LRIG3: variants seen among roughly 807,000 people sequenced by gnomAD.
The protein encoded by LRIG3 is leucine-rich repeats and immunoglobulin-like domains protein 3.
Under a neutral mutation model 114.5 loss-of-function variants are expected in LRIG3, and 76 were observed. The ratio of observed to expected loss-of-function variants is 0.66; its 90% CI spans 0.55 to 0.80. LRIG3 has a LOEUF of 0.80. LRIG3 is among the 30% of genes least tolerant of loss of function. The pLI, the probability that LRIG3 is intolerant of heterozygous loss-of-function variation, is 0.00. For missense variants in LRIG3, 1,239 were observed against 1,382.8 expected, an observed-to-expected ratio of 0.90 and a Z score of 1.65; for synonymous variants, 512 against 519.8, an observed-to-expected ratio of 0.98 and a Z score of 0.20.
At chr12:58,898,084 A>G (rs1871708225) in intron 3 of LRIG3, among the ~76,000 whole-genome samples, 1 of 152,252 alleles carries the variant, frequency 6.6e-6, no homozygotes, top group Non-Finnish European at 1.5e-5. Context: ...TTCAAAATGC[A>G]TATGAACATC....
intron 3 of LRIG3, among the ~76,000 whole-genome samples, chr12:58,898,303 A>G (rs961869729): frequency 1.3e-5 from 2 of 152,180 alleles, no homozygotes; most frequent in Non-Finnish European, 2.9e-5. Flanking sequence ...AACAGAGGGA[A>G]ATGAAATGAA....
At chr12:58,894,433 CA>C (rs1230280109) in intron 3 of LRIG3, among the ~76,000 whole-genome samples, 22 of 152,022 alleles carry the variant, frequency 1.4e-4, no homozygotes, top group African/African-American at 4.6e-4. Context: ...ACAAAACAAA[CA>C]AACAAAAAAC....
intron 1 of LRIG3, 187 bp from the exon 2 acceptor site, chr12:58,914,523 T>G: frequency 1.8e-6 from 1 of 557,376 alleles, no homozygotes; most frequent in Non-Finnish European, 3.2e-6. Context: ...CAAAATTAGT[T>G]TAGGGAGACT....
Position 58,890,697 on chromosome 12 carries a change from T to C in LRIG3, c.483A>G (p.Gln161=). The part of the protein sequence containing the change: ...DLSSNNISEL[Q]TAFPALQLKY... ...TGAGCTGTAGGGCTGGAAATGCAGT[T>C]TGGAGCTCTGAAATATTGTTGCTGC... Residue 161 remains glutamine (Q), a synonymous_variant, in exon 4 of 19, where the codon CAA becomes CAG. Coordinates refer to ENST00000320743, the MANE Select transcript of LRIG3 (RefSeq NM_153377.5). 1.2e-6 allele frequency: 2 copies of C among 1,607,926 alleles called. No individual in the cohort carries two copies. Among genetic ancestry groups the C allele is most frequent in the South Asian group, 1.1e-5 (1 of 89,300 alleles).
intron 7 of LRIG3, 57 bp from the exon 8 acceptor site, chr12:58,887,989 T>C (rs1005420757): frequency 2.6e-6 from 4 of 1,537,306 alleles, no homozygotes; most frequent in Middle Eastern, 2.0e-4. Context: ...ACACAATGAT[T>C]TGTTTTCCAA....
chr12:58,904,295 A>C (rs1841120127), intron 3 of LRIG3, among the ~76,000 whole-genome samples: 1 of 152,180 alleles, frequency 6.6e-6, no homozygotes, highest in South Asian at 2.1e-4. Context: ...CTAGGCCAGG[A>C]GAGAGACACA....
chr12:58,888,372 T>C lies in LRIG3; in HGVS notation c.904A>G (p.Ile302Val). 6.2e-7 allele frequency: 1 copy of C among 1,613,838 alleles called. No homozygotes were observed. Among genetic ancestry groups the C allele is most frequent in the Non-Finnish European group, 8.5e-7 (1 of 1,179,832 alleles). ...CAGAACTCCCAGGCATCAGGGCTGA[T>C]CCTGTTGATGGCATTTTGGCTGAGA... ...LHLSQNAINR[I>V]SPDAWEFCQK... is the part of the protein sequence containing the mutation. The change falls in exon 7 of 19, where the codon ATC becomes GTC. Residue 302 changes from isoleucine (I) to valine (V), a missense_variant. By Grantham distance (29) the Ile-to-Val change is conservative. Transcript: ENST00000320743.
intron 10 of LRIG3, among the ~76,000 whole-genome samples, chr12:58,884,422 A>G (rs914296140): frequency 3.9e-5 from 6 of 152,222 alleles, no homozygotes; most frequent in African/African-American, 1.4e-4. Flanking sequence ...AAGGGACCAG[A>G]CATGGCTAGA....
chr12:58,902,848 C>T (rs1222746615), intron 3 of LRIG3, among the ~76,000 whole-genome samples: 3 of 151,796 alleles, frequency 2.0e-5, no homozygotes, highest in Non-Finnish European at 4.4e-5. Context: ...TGATAGTTTA[C>T]TGAGAATGAT....
chr12:58,891,085 A>T (rs1871441764), intron 3 of LRIG3, among the ~76,000 whole-genome samples: 1 of 151,804 alleles, frequency 6.6e-6, no homozygotes, highest in Non-Finnish European at 1.5e-5. Context: ...ATTTTTCTTT[A>T]TCCTATTTTT....
chr12:58,914,267 T>C lies in LRIG3; in HGVS notation c.306A>G (p.Glu102=). Residue 102 remains glutamate (E), a splice_region_variant and synonymous_variant, in exon 2 of 19, where the codon GAA becomes GAG. Transcript: ENST00000320743. ...AAAACAAAATAACGAAGACTCACAC[T>C]TCTCGAAGGCTTTGAAGGTGGCTCA... is the stretch of plus-strand genomic sequence containing the variant. ...SSMSHLQSLR[E]VKLNNNELET... is the part of the protein sequence containing the mutation. 6.2e-7 allele frequency: 1 copy of C among 1,613,878 alleles called. No homozygotes were observed. Among genetic ancestry groups the C allele is most frequent in the Non-Finnish European group, 8.5e-7 (1 of 1,179,808 alleles).
At chr12:58,883,062 C>A in intron 11 of LRIG3, 30 bp from the exon 12 acceptor site, 1 of 1,571,156 alleles carries the variant, frequency 6.4e-7, no homozygotes, top group South Asian at 1.2e-5. Context: ...TCAATTTGTT[C>A]TGTATGAAAT....
chr12:58,892,367 C>A (rs1871484585), intron 3 of LRIG3, among the ~76,000 whole-genome samples: 1 of 152,216 alleles, frequency 6.6e-6, no homozygotes, highest in Non-Finnish European at 1.5e-5. Context: ...GGTGTTTGTA[C>A]ACGGTCTGCA....
chr12:58,914,243 A>G lies in LRIG3; in HGVS notation c.308+22T>C, dbSNP rs1188560484. The G allele has an allele frequency of 2.5e-6, 4 of 1,611,774 alleles. No individual in the cohort carries two copies. The South Asian group carries it at 4.4e-5, about 18-fold the overall frequency. On this transcript the variant is annotated intron_variant, in intron 2 of 18. Coordinates refer to ENST00000320743, the MANE Select transcript of LRIG3 (RefSeq NM_153377.5). ...GTAACGTATTTTACTCAAACCTTAA[A>G]AACAAAATAACGAAGACTCACACTT...
At chr12:58,891,068 T>A (rs13377741) in intron 3 of LRIG3, among the ~76,000 whole-genome samples, 24 of 152,046 alleles carry the variant, frequency 1.6e-4, no homozygotes, top group African/African-American at 5.6e-4. Context: ...TTAAAGACAG[T>A]GGTTTGATTT....
At chr12:58,901,046 A>C (rs1022452252) in intron 3 of LRIG3, among the ~76,000 whole-genome samples, 2 of 152,226 alleles carry the variant, frequency 1.3e-5, no homozygotes, top group African/African-American at 4.8e-5. Flanking sequence ...TGTAATTCAC[A>C]TATTTGATGA....
At chr12:58,881,082 T>A (rs1871113860) in intron 12 of LRIG3, among the ~76,000 whole-genome samples, 181 bp from the exon 13 acceptor site, 1 of 152,224 alleles carries the variant, frequency 6.6e-6, no homozygotes, top group African/African-American at 2.4e-5. Flanking sequence ...ATTTATAAAG[T>A]AACTCATTCA....
chr12:58,879,248 G>A lies in LRIG3; in HGVS notation c.1802-143C>T, dbSNP rs1188503155. 30 of 984,858 alleles carry A rather than the reference G, an allele frequency of 3.0e-5. No individual in the cohort carries two copies. In the South Asian group the frequency reaches 5.4e-4, roughly 18 times the overall value. 61.0% of individuals were successfully genotyped at this position (984,858 alleles called of 1,614,324 possible). The stretch of plus-strand genomic sequence containing the variant: ...GGGCAGGGGTTAATTCCAATTTCAA[G>A]TCAAGGAAACTAAAGTTGAGATGGA... On this transcript the variant is annotated intron_variant, in intron 13 of 18. Transcript: ENST00000320743.
Position 58,872,395 on chromosome 12 carries a change from T to C in LRIG3, c.*177A>G. On this transcript the variant is annotated 3_prime_UTR_variant, in exon 19 of 19. Coordinates refer to ENST00000320743, the MANE Select transcript of LRIG3 (RefSeq NM_153377.5). ...TTAAAAAGGTATTCTTATATGAGCATCATTCCCAGTATAAAAATTTTCATA... is the reference window on the plus strand; with the variant it reads ...TTAAAAAGGTATTCTTATATGAGCACCATTCCCAGTATAAAAATTTTCATA... 2 of 527,856 alleles carry C rather than the reference T, an allele frequency of 3.8e-6. No individual in the cohort carries two copies. Among genetic ancestry groups the C allele is most frequent in the South Asian group, 6.1e-5 (1 of 16,312 alleles). 32.7% of individuals were successfully genotyped at this position (527,856 alleles called of 1,614,324 possible). A position where few individuals can be genotyped will look rare whatever the true frequency, so the allele number is the denominator to read the frequency against.
Sources: allele counts gnomAD v4.1 joint callset (sites outside exome capture counted in the v4.1 genomes callset), GRCh38; gene constraint gnomAD v4.1.1; transcripts MANE v1.5; gene names NCBI Gene and HGNC (gene_info 2026-07-23, HGNC 2026-07-21).